Variants in SGMS1 observed in about 807,000 individuals in gnomAD.
SGMS1 encodes sphingomyelin synthase 1.
In SGMS1, 13 loss-of-function variants were observed where a neutral mutation model predicts 46.2. That is an observed-to-expected ratio of 0.28 (90% CI 0.18 to 0.45). The LOEUF is 0.45. Among genes scored for constraint, SGMS1 ranks in the 20% least tolerant of loss-of-function variants. SGMS1 has a pLI of 1.00. For synonymous variants in SGMS1, 203 were observed against 187.8 expected, an observed-to-expected ratio of 1.08 and a Z score of -0.66; for missense variants, 324 against 519.9, an observed-to-expected ratio of 0.62 and a Z score of 3.66.
chr10:50,574,147 G>A (rs978684529), intron 2 of SGMS1, among the ~76,000 whole-genome samples: 1 of 146,102 alleles, frequency 6.8e-6, no homozygotes, highest in Non-Finnish European at 1.5e-5. Flanking sequence ...CAAAAGCACA[G>A]GTAAGAAAAG....
chr10:50,546,177 G>A (rs970216343), intron 2 of SGMS1, among the ~76,000 whole-genome samples: 2 of 152,026 alleles, frequency 1.3e-5, no homozygotes, highest in African/African-American at 4.8e-5. Context: ...CAATGTGGGA[G>A]GAGTGCAATC....
intron 1 of SGMS1, among the ~76,000 whole-genome samples, chr10:50,594,744 TATCTC>T (rs1287832007): frequency 6.6e-5 from 10 of 152,202 alleles, no homozygotes; most frequent in African/African-American, 2.4e-4. Context: ...AATGAGAAAT[TATCTC>T]AATTTGAGTA....
rs1361503744 is a variant in SGMS1 at position 50,344,337 on chromosome 10, T to C, written c.-223A>G. On this transcript the variant is annotated 5_prime_UTR_variant, in exon 7 of 11. Transcript: ENST00000361781. ...TAATTCACCTCATTTTTGAGCAGGA[T>C]TCTTCCTTCTGTGAAAGCAAGAGAA... 3 of 493,616 alleles carry C rather than the reference T, an allele frequency of 6.1e-6. No individual in the cohort carries two copies. The highest frequency in any genetic ancestry group is 7.0e-6 in the Non-Finnish European group (2 of 285,150). 30.6% of individuals were successfully genotyped at this position (493,616 alleles called of 1,614,324 possible).
At chr10:50,590,545 T>C (rs1341561393) in intron 1 of SGMS1, 2 of 152,162 alleles carry the variant, frequency 1.3e-5, no homozygotes, top group East Asian at 1.9e-4. Context: ...AAAAATTACA[T>C]ATATTTAAAG....
At chr10:50,538,640 T>C (rs1199209135) in intron 2 of SGMS1, among the ~76,000 whole-genome samples, 1 of 152,056 alleles carries the variant, frequency 6.6e-6, no homozygotes, top group African/African-American at 2.4e-5. Flanking sequence ...CTGAAAATGT[T>C]CCCACACATT....
chr10:50,560,159 C>CA (rs1003052256), intron 2 of SGMS1, among the ~76,000 whole-genome samples: 15 of 143,826 alleles, frequency 1.0e-4, no homozygotes, highest in African/African-American at 3.8e-4. Flanking sequence ...ATAAAATAGA[C>CA]ATATATTATA....
intron 2 of SGMS1, among the ~76,000 whole-genome samples, chr10:50,549,890 C>T (rs559364936): frequency 5.3e-5 from 8 of 152,196 alleles, no homozygotes; most frequent in South Asian, 2.1e-4. Context: ...TCCATACAAC[C>T]GAGGCTCAGC....
intron 6 of SGMS1, among the ~76,000 whole-genome samples, chr10:50,424,714 C>T (rs192652523): frequency 2.0e-3 from 310 of 151,998 alleles, no homozygotes; most frequent in African/African-American, 7.1e-3. Flanking sequence ...AAGAAACAAC[C>T]CCATTAAAAA....
At chr10:50,606,519 A>T (rs1014193383) in intron 1 of SGMS1, among the ~76,000 whole-genome samples, 2 of 152,228 alleles carry the variant, frequency 1.3e-5, no homozygotes, top group Admixed American at 6.5e-5. Flanking sequence ...TACTTGTTTA[A>T]AGTATAGATT....
upstream of SGMS1, chr10:50,624,088 C>G (rs1838887747): frequency 3.0e-6 from 3 of 985,072 alleles, no homozygotes; most frequent in Admixed American, 6.1e-5. Context: ...CCTCCCGGGA[C>G]CGAGCGGGAC....
chr10:50,385,095 G>T (rs1223473367), intron 6 of SGMS1, among the ~76,000 whole-genome samples: 3 of 151,968 alleles, frequency 2.0e-5, no homozygotes, highest in African/African-American at 4.8e-5. Flanking sequence ...TCCAGTTTGG[G>T]TTTCTCTGAT....
intron 2 of SGMS1, among the ~76,000 whole-genome samples, chr10:50,563,370 G>C (rs1359648344): frequency 5.3e-5 from 8 of 152,168 alleles, no homozygotes; most frequent in Non-Finnish European, 1.2e-4. Context: ...TCAATTACAG[G>C]AATGTATTAT....
rs1477221220 is a variant in SGMS1, at chr10:50,343,879, C to A, written c.236G>T (p.Gly79Val). ...AATGTTGAGGTGCCCATTGGCATGG[C>A]CGTTCTTGTGTGCTTCCAAATGGTG... Reference protein sequence around the residue: ...MEHHLEAHKNGHANGHLNIGV... With the variant: ...MEHHLEAHKNVHANGHLNIGV... Residue 79 changes from glycine (G) to valine (V), a missense_variant, in exon 7 of 11, where the codon GGC becomes GTC. Coordinates refer to ENST00000361781, the MANE Select transcript of SGMS1 (RefSeq NM_147156.4). 3 of 1,614,086 alleles carry A rather than the reference C, an allele frequency of 1.9e-6. No homozygotes were observed. Among genetic ancestry groups the A allele is most frequent in the Non-Finnish European group, 2.5e-6 (3 of 1,180,018 alleles).
chr10:50,411,063 C>T (rs7921654), intron 6 of SGMS1, among the ~76,000 whole-genome samples: 4,935 of 152,224 alleles, frequency 0.032, 259 homozygotes, highest in African/African-American at 0.11. Flanking sequence ...ATATAGTACA[C>T]ATACTATTAC....
intron 2 of SGMS1, among the ~76,000 whole-genome samples, chr10:50,549,300 C>A (rs1337565977): frequency 6.6e-6 from 1 of 152,156 alleles, no homozygotes; most frequent in South Asian, 2.1e-4. Flanking sequence ...AACCCAGATG[C>A]CCATCAGTGA....
intron 6 of SGMS1, among the ~76,000 whole-genome samples, chr10:50,430,876 G>C (rs1336258487): frequency 6.6e-6 from 1 of 151,962 alleles, no homozygotes; most frequent in Non-Finnish European, 1.5e-5. Context: ...CGAGTCCCAA[G>C]TATCTAGTAA....
At position 50,446,018 on chromosome 10, in the gene SGMS1, C is replaced by G. The variant is rs2133648094; in HGVS notation, c.-312-12462G>C. ...AAGCCCCCATCTCCCCTAGTGCTCCCAGGCTTATTAGGATGAGGAAATTCC... is the reference window on the plus strand; with the variant it reads ...AAGCCCCCATCTCCCCTAGTGCTCCGAGGCTTATTAGGATGAGGAAATTCC... On this transcript the variant is annotated intron_variant, in intron 5 of 10. Coordinates refer to ENST00000361781, the MANE Select transcript of SGMS1 (RefSeq NM_147156.4). Among the ~76,000 whole-genome samples, 2 of 152,294 alleles carry G rather than the reference C, an allele frequency of 1.3e-5. 1 individual carries two copies. Among genetic ancestry groups the G allele is most frequent in the South Asian group, 4.2e-4 (2 of 4,816 alleles).
At chr10:50,311,123 CGATGAGAT>C in intron 9 of SGMS1, 131 bp downstream of exon 9, 1 of 959,448 alleles carries the variant, frequency 1.0e-6, no homozygotes, top group Non-Finnish European at 1.6e-6. Flanking sequence ...AGTTGCATGG[CGATGAGAT>C]GAAGCTGCAA....
At chr10:50,558,093 G>A (rs1376201100) in intron 2 of SGMS1, among the ~76,000 whole-genome samples, 2 of 152,178 alleles carry the variant, frequency 1.3e-5, no homozygotes, top group African/African-American at 2.4e-5. Flanking sequence ...GGGAAGTTAA[G>A]CTAATTGTCA....
Sources: allele counts gnomAD v4.1 joint callset (sites outside exome capture counted in the v4.1 genomes callset), GRCh38; gene constraint gnomAD v4.1.1; transcripts MANE v1.5; gene names NCBI Gene and HGNC (gene_info 2026-07-23, HGNC 2026-07-21).